The following MALRD1 variants were observed in gnomAD, a reference collection of about 807,000 sequenced individuals.
MALRD1 encodes the protein MAM and LDL receptor class A domain containing 1.
MALRD1 carries 247 observed loss-of-function variants against 242.1 expected under a neutral mutation model. That is an observed-to-expected ratio of 1.02 (90% CI 0.92 to 1.13). MALRD1 has a LOEUF of 1.13. Ranked by LOEUF, MALRD1 falls within the 50% of genes most tolerant of loss-of-function variation. The pLI is 0.00. For synonymous variants in MALRD1, 995 were observed against 866.6 expected, an observed-to-expected ratio of 1.15 and a Z score of -2.60; for missense variants, 2,989 against 2,533.1, an observed-to-expected ratio of 1.18 and a Z score of -3.86.
At chr10:19,532,956 A>G (rs1050136537) in intron 32 of MALRD1, among the ~76,000 whole-genome samples, 1 of 152,214 alleles carries the variant, frequency 6.6e-6, no homozygotes, top group African/African-American at 2.4e-5. Flanking sequence ...GAGCTTCAAG[A>G]AACTCCACAA....
At chr10:19,213,842 T>C (rs954372807) in intron 18 of MALRD1, among the ~76,000 whole-genome samples, 1 of 152,328 alleles carries the variant, frequency 6.6e-6, no homozygotes, top group Non-Finnish European at 1.5e-5. Flanking sequence ...TTGACTCTTT[T>C]TGGTCTTGCT....
chr10:19,061,414 A>G (rs1043158301), intron 1 of MALRD1, among the ~76,000 whole-genome samples: 3 of 152,184 alleles, frequency 2.0e-5, no homozygotes, highest in African/African-American at 4.8e-5. Context: ...TTTCTTCTGT[A>G]AAAGTAGTAA....
chr10:19,274,580 G>A (rs1009032902), intron 19 of MALRD1, among the ~76,000 whole-genome samples: 11 of 152,122 alleles, frequency 7.2e-5, no homozygotes, highest in African/African-American at 2.7e-4. Context: ...CTGGCACCTT[G>A]AGCTTACACT....
chr10:19,378,832 G>A (rs1260362415), intron 26 of MALRD1, among the ~76,000 whole-genome samples: 2 of 152,058 alleles, frequency 1.3e-5, no homozygotes, highest in African/African-American at 4.8e-5. Flanking sequence ...TAAAATACAC[G>A]TGAGAGTGCT....
chr10:19,125,635 G>A (rs1837261086), intron 7 of MALRD1, among the ~76,000 whole-genome samples: 1 of 147,556 alleles, frequency 6.8e-6, no homozygotes, highest in South Asian at 2.1e-4. Context: ...CTATTGTTAT[G>A]ACTATTCTTA....
At chr10:19,616,617 C>T (rs972649735) in intron 36 of MALRD1, among the ~76,000 whole-genome samples, 1 of 151,884 alleles carries the variant, frequency 6.6e-6, no homozygotes, top group African/African-American at 2.4e-5. Context: ...TATCACTTTC[C>T]TTATTAGAAA....
intron 12 of MALRD1, among the ~76,000 whole-genome samples, chr10:19,160,360 T>C (rs1352427839): frequency 1.5e-5 from 2 of 130,750 alleles, no homozygotes; most frequent in Non-Finnish European, 1.6e-5. Context: ...TGGATTCGGT[T>C]TGCCAGTATT....
At chr10:19,088,277 C>G in intron 4 of MALRD1, 92 bp downstream of exon 4, 1 of 1,126,864 alleles carries the variant, frequency 8.9e-7, no homozygotes, top group East Asian at 3.2e-5. Flanking sequence ...GCAACTGTCC[C>G]AGTTTGCCAG....
At chr10:19,268,663 G>GT (rs1840067596) in intron 19 of MALRD1, among the ~76,000 whole-genome samples, 3 of 152,180 alleles carry the variant, frequency 2.0e-5, no homozygotes, top group Admixed American at 6.5e-5. Flanking sequence ...GTAATCATAT[G>GT]TCTAAAGTTG....
intron 21 of MALRD1, among the ~76,000 whole-genome samples, chr10:19,307,832 TA>T (rs1278004189): frequency 6.6e-6 from 1 of 151,628 alleles, no homozygotes; most frequent in African/African-American, 2.4e-5. Context: ...ATTTAATTTT[TA>T]ATTGACAAAT....
intron 28 of MALRD1, among the ~76,000 whole-genome samples, chr10:19,418,288 A>G (rs926201287): frequency 6.6e-6 from 1 of 152,020 alleles, no homozygotes; most frequent in Non-Finnish European, 1.5e-5. Context: ...CCCAACAAAT[A>G]CACATTGCTT....
intron 28 of MALRD1, among the ~76,000 whole-genome samples, chr10:19,397,040 T>C (rs1846615372): frequency 6.6e-6 from 1 of 152,238 alleles, no homozygotes; most frequent in Non-Finnish European, 1.5e-5. Context: ...CATTGTGTAA[T>C]GATCAAATCA....
At chr10:19,173,715 C>G (rs974674844) in intron 13 of MALRD1, among the ~76,000 whole-genome samples, 2 of 152,114 alleles carry the variant, frequency 1.3e-5, no homozygotes, top group African/African-American at 4.8e-5. Flanking sequence ...AAATGTTTTG[C>G]CCAACAAAAT....
intron 36 of MALRD1, among the ~76,000 whole-genome samples, chr10:19,661,640 TA>T (rs1242274257): frequency 1.3e-5 from 2 of 151,738 alleles, no homozygotes; most frequent in African/African-American, 2.4e-5. Flanking sequence ...TGTTGAGGGA[TA>T]GGGGCGGGGG....
chr10:19,162,657 A>G (rs1294448120), intron 12 of MALRD1, among the ~76,000 whole-genome samples: 1 of 152,192 alleles, frequency 6.6e-6, no homozygotes, highest in Non-Finnish European at 1.5e-5. Context: ...TAAAATGTCA[A>G]AAAATAACAT....
chr10:19,434,324 T>G (rs1000036448), intron 28 of MALRD1, among the ~76,000 whole-genome samples: 5 of 152,088 alleles, frequency 3.3e-5, no homozygotes, highest in African/African-American at 1.2e-4. Flanking sequence ...GGGAAGAAAA[T>G]TTTCTGTAAA....
chr10:19,612,735 C>G (rs1838957017), intron 35 of MALRD1, among the ~76,000 whole-genome samples: 1 of 151,924 alleles, frequency 6.6e-6, no homozygotes, highest in Admixed American at 6.6e-5. Flanking sequence ...CACATATTCA[C>G]TTGGCCGGCA....
At chr10:19,113,628 G>A (rs146109564) in intron 5 of MALRD1, among the ~76,000 whole-genome samples, 1 of 148,612 alleles carries the variant, frequency 6.7e-6, no homozygotes, top group Non-Finnish European at 1.5e-5. Context: ...TGCCTTCTTT[G>A]TTCCTTCCTT....
intron 30 of MALRD1, among the ~76,000 whole-genome samples, chr10:19,493,959 C>T (rs575902222): frequency 3.9e-5 from 6 of 152,256 alleles, no homozygotes; most frequent in East Asian, 3.9e-4. Context: ...TAGTCACCCA[C>T]GACACAGTAA....
Sources: gnomAD v4.1 joint callset for allele counts (sites outside exome capture counted in the v4.1 genomes callset) on GRCh38, gnomAD v4.1.1 for gene constraint, MANE v1.5 for transcripts, NCBI Gene and HGNC (gene_info 2026-07-23, HGNC 2026-07-21) for gene names.